Variants in HPSE2 observed in about 807,000 individuals in gnomAD.
HPSE2 encodes the protein inactive heparanase-2.
HPSE2 carries 38 observed loss-of-function variants against 60.5 expected under a neutral mutation model. The observed-to-expected ratio is 0.63, with a 90% CI of 0.48 to 0.82. The LOEUF is 0.82. HPSE2 is among the 40% of genes least tolerant of loss of function. The pLI, the probability that HPSE2 is intolerant of heterozygous loss-of-function variation, is 0.00. For missense variants in HPSE2, 713 were observed against 740.4 expected (o/e 0.96, Z 0.43); for synonymous variants, 295 against 293.2 (o/e 1.01, Z -0.06).
the HPSE2 span, among the ~76,000 whole-genome samples, chr10:99,313,559 AAGC>A: frequency 6.6e-6 from 1 of 150,854 alleles, no homozygotes; most frequent in Non-Finnish European, 1.5e-5. Flanking sequence ...CTTAGTTATA[AAGC>A]AGCAGCAGGG....
At chr10:99,016,160 T>TTG (rs1400878556) in intron 3 of HPSE2, among the ~76,000 whole-genome samples, 1 of 152,244 alleles carries the variant, frequency 6.6e-6, no homozygotes, top group Non-Finnish European at 1.5e-5. Flanking sequence ...CCAGGGATTT[T>TTG]AAAGTTTTGA....
chr10:98,736,124 T>C (rs1949350848), intron 4 of HPSE2, among the ~76,000 whole-genome samples: 1 of 152,100 alleles, frequency 6.6e-6, no homozygotes, highest in Admixed American at 6.5e-5. Context: ...AATTGAATCA[T>C]GGGGTCAGTT....
At chr10:98,967,430 AG>A (rs1186276936) in intron 3 of HPSE2, among the ~76,000 whole-genome samples, 2 of 152,222 alleles carry the variant, frequency 1.3e-5, no homozygotes, top group Non-Finnish European at 2.9e-5. Flanking sequence ...AAGCCATTTG[AG>A]GTTGCAACTT....
intron 3 of HPSE2, among the ~76,000 whole-genome samples, chr10:98,876,631 G>C (rs965816160): frequency 6.6e-6 from 1 of 151,872 alleles, no homozygotes; most frequent in Non-Finnish European, 1.5e-5. Flanking sequence ...TATGCAGACT[G>C]AGGGTGGATT....
intron 3 of HPSE2, among the ~76,000 whole-genome samples, chr10:98,968,273 T>C (rs551515234): frequency 1.3e-5 from 2 of 152,308 alleles, no homozygotes; most frequent in East Asian, 1.9e-4. Flanking sequence ...TGGATCCCCA[T>C]AGATACACTG....
At chr10:98,973,339 A>G (rs372431779) in intron 3 of HPSE2, among the ~76,000 whole-genome samples, 52 of 152,300 alleles carry the variant, frequency 3.4e-4, no homozygotes, top group African/African-American at 5.3e-4. Context: ...TGAATAAGCA[A>G]TCTTCTGTCT....
At chr10:99,226,224 CCTAT>C (rs1476803203) in intron 2 of HPSE2, among the ~76,000 whole-genome samples, 2 of 151,976 alleles carry the variant, frequency 1.3e-5, no homozygotes, top group Non-Finnish European at 2.9e-5. Context: ...GGTCTACCTA[CCTAT>C]CTAACTCCCA....
At position 98,921,393 on chromosome 10, in the gene HPSE2, C is replaced by T. The variant is rs145692706; in HGVS notation, c.611-177337G>A. 5.1e-3 allele frequency among the ~76,000 whole-genome samples: 779 copies of T among 152,218 alleles called. 8 individuals carry two copies. The highest frequency in any genetic ancestry group is 0.018 in the African/African-American group (742 of 41,530). ...AACTAGAAAGCTGAGAAGCTATGTA[C>T]GTGGCCACACATTAAGGCTCAGCCT... On this transcript the variant is annotated intron_variant, in intron 3 of 11. Coordinates refer to ENST00000370552, the MANE Select transcript of HPSE2 (RefSeq NM_021828.5).
intron 9 of HPSE2, among the ~76,000 whole-genome samples, chr10:98,569,066 A>AT (rs58007353): frequency 0.82 from 118,020 of 143,486 alleles, 49,376 homozygotes; most frequent in East Asian, 0.95. Flanking sequence ...AAAAAGTCTG[A>AT]TTTTTTTTTT....
At chr10:98,563,799 C>T (rs1488968413) in intron 9 of HPSE2, among the ~76,000 whole-genome samples, 1 of 151,954 alleles carries the variant, frequency 6.6e-6, no homozygotes. Context: ...TATTCAAGAT[C>T]GTAGTCTGCT....
intron 7 of HPSE2, among the ~76,000 whole-genome samples, chr10:98,621,258 C>T (rs1946066622): frequency 6.6e-6 from 1 of 151,996 alleles, no homozygotes; most frequent in African/African-American, 2.4e-5. Context: ...AGAAAAGTCA[C>T]TGGCCCACAA....
chr10:99,039,337 C>A (rs1957682113), intron 3 of HPSE2, among the ~76,000 whole-genome samples: 1 of 151,996 alleles, frequency 6.6e-6, no homozygotes, highest in South Asian at 2.1e-4. Flanking sequence ...TCCTTGCTAC[C>A]ACTTATCTCA....
At chr10:99,177,770 C>A (rs1224648409) in intron 2 of HPSE2, among the ~76,000 whole-genome samples, 1 of 152,114 alleles carries the variant, frequency 6.6e-6, no homozygotes, top group Non-Finnish European at 1.5e-5. Flanking sequence ...GACCAAGCGA[C>A]CTGATAGACA....
At chr10:98,679,652 G>T (rs1237535089) in intron 6 of HPSE2, among the ~76,000 whole-genome samples, 1 of 151,896 alleles carries the variant, frequency 6.6e-6, no homozygotes, top group African/African-American at 2.4e-5. Context: ...TGTTTTTCTT[G>T]TGCCTACATG....
intron 3 of HPSE2, among the ~76,000 whole-genome samples, chr10:98,847,705 C>T (rs1330969917): frequency 1.3e-5 from 2 of 152,178 alleles, no homozygotes; most frequent in African/African-American, 4.8e-5. Context: ...TGCTTGCTTG[C>T]TCTATGTATG....
At chr10:99,081,623 G>GATGATGATGAT (rs1564791641) in intron 3 of HPSE2, among the ~76,000 whole-genome samples, 4 of 112,214 alleles carry the variant, frequency 3.6e-5, no homozygotes, top group African/African-American at 5.7e-5. Context: ...ATGATGATGA[G>GATGATGATGAT]ATAATATAAT....
intron 3 of HPSE2, among the ~76,000 whole-genome samples, chr10:98,942,068 C>T (rs1589402962): frequency 7.0e-6 from 1 of 143,026 alleles, no homozygotes; most frequent in Non-Finnish European, 1.5e-5. Flanking sequence ...ACACCTTATA[C>T]AAAAATTAAT....
intron 9 of HPSE2, among the ~76,000 whole-genome samples, chr10:98,535,819 C>T (rs1255903524): frequency 3.3e-5 from 5 of 152,288 alleles, no homozygotes; most frequent in East Asian, 3.9e-4. Context: ...CAGATGAGAA[C>T]CAGGCACTGG....
chr10:99,083,006 C>T lies in HPSE2; in HGVS notation c.610+61232G>A, dbSNP rs114098868. On this transcript the variant is annotated intron_variant, in intron 3 of 11. Transcript: ENST00000370552. ...ACTGAGGAAGCCTTTGTTTAGAGAG[C>T]TCTACTTTGGGCCTCTACAACTAAA... Among the ~76,000 whole-genome samples the T allele has an allele frequency of 9.1e-3, 1,388 of 152,250 alleles. 16 individuals carry two copies. Among genetic ancestry groups the T allele is most frequent in the African/African-American group, 0.031 (1,294 of 41,530 alleles).
Sources: allele counts gnomAD v4.1 joint callset (sites outside exome capture counted in the v4.1 genomes callset), GRCh38; gene constraint gnomAD v4.1.1; transcripts MANE v1.5; gene names NCBI Gene and HGNC (gene_info 2026-07-23, HGNC 2026-07-21).